GLIS3: variants seen among roughly 807,000 people sequenced by gnomAD.
The protein encoded by GLIS3 is GLIS family zinc finger 3, also known as zinc finger protein GLIS3.
GLIS3 carries 53 observed loss-of-function variants against 78.6 expected under a neutral mutation model. That is an observed-to-expected ratio of 0.67 (90% CI 0.54 to 0.85). The LOEUF is 0.85. Ranked by LOEUF, GLIS3 falls within the 40% of genes least tolerant of loss-of-function variation. The probability of loss-of-function intolerance (pLI) is 0.00; values close to 1 mark genes in which losing one functional copy is unlikely to be tolerated. For missense variants in GLIS3, 1,703 were observed against 1,231.1 expected (o/e 1.38, Z -5.74); for synonymous variants, 684 against 509.9 (o/e 1.34, Z -4.60).
the GLIS3 span, among the ~76,000 whole-genome samples, chr9:4,395,617 T>G: frequency 1.3e-5 from 2 of 152,168 alleles, no homozygotes; most frequent in Non-Finnish European, 2.9e-5. Context: ...AAACCCCTAG[T>G]TGAGGCAACC....
chr9:4,048,616 T>TGTGC (rs1825452646), intron 4 of GLIS3, among the ~76,000 whole-genome samples: 1 of 152,190 alleles, frequency 6.6e-6, no homozygotes, highest in African/African-American at 2.4e-5. Context: ...GAAGCATCTC[T>TGTGC]TCAAAGAGAG....
chr9:4,313,497 C>T (rs956068755), intron 2 of GLIS3, among the ~76,000 whole-genome samples: 12 of 152,122 alleles, frequency 7.9e-5, no homozygotes, highest in Admixed American at 4.6e-4. Context: ...CTCTAACCTC[C>T]GCGTGGCTCC....
intron 2 of GLIS3, among the ~76,000 whole-genome samples, chr9:4,276,521 GGGAAGGGAAGAGA>G: frequency 3.4e-5 from 2 of 59,534 alleles, no homozygotes; most frequent in East Asian, 7.0e-4. Flanking sequence ...GGGAAGGGAA[GGGAAGGGAAGAGA>G]AGGGGACGGA....
chr9:3,889,787 A>T (rs1445335), intron 7 of GLIS3, among the ~76,000 whole-genome samples: 1,771 of 152,284 alleles, frequency 0.012, 34 homozygotes, highest in African/African-American at 0.039. Context: ...CTTTTAAAAA[A>T]TTTTTTACAT....
intron 4 of GLIS3, among the ~76,000 whole-genome samples, chr9:3,966,729 T>C (rs554141352): frequency 2.7e-5 from 4 of 150,886 alleles, no homozygotes; most frequent in East Asian, 2.0e-4. Flanking sequence ...CGGGAGGTGG[T>C]GTGAGCTGAG....
intron 4 of GLIS3, among the ~76,000 whole-genome samples, chr9:4,065,188 G>A (rs1397508793): frequency 6.6e-6 from 1 of 151,998 alleles, no homozygotes; most frequent in Non-Finnish European, 1.5e-5. Flanking sequence ...CCTTCCTAGG[G>A]GCAAAAACAC....
intron 2 of GLIS3, among the ~76,000 whole-genome samples, chr9:4,196,470 G>A (rs1490010744): frequency 2.0e-5 from 3 of 152,132 alleles, no homozygotes; most frequent in South Asian, 4.1e-4. Context: ...CACTATTTGG[G>A]TCCGCACTGC....
At chr9:4,393,906 TC>T in the GLIS3 span, among the ~76,000 whole-genome samples, 15 of 152,164 alleles carry the variant, frequency 9.9e-5, no homozygotes, top group Non-Finnish European at 1.5e-4. Flanking sequence ...AATATAATGA[TC>T]CTTTCTATGA....
intron 4 of GLIS3, among the ~76,000 whole-genome samples, chr9:3,999,395 C>G (rs1342976716): frequency 1.3e-5 from 2 of 152,210 alleles, no homozygotes; most frequent in East Asian, 3.9e-4. Flanking sequence ...AGTCTGAATG[C>G]TTGTTTTTCC....
At chr9:4,198,414 T>C (rs1047018268) in intron 2 of GLIS3, among the ~76,000 whole-genome samples, 10 of 151,766 alleles carry the variant, frequency 6.6e-5, no homozygotes, top group African/African-American at 1.9e-4. Flanking sequence ...CAAAATACAA[T>C]TGAAAATTTC....
At chr9:3,850,070 C>G (rs1439721136) in intron 9 of GLIS3, among the ~76,000 whole-genome samples, 1 of 152,108 alleles carries the variant, frequency 6.6e-6, no homozygotes, top group African/African-American at 2.4e-5. Context: ...TGGGTCAGAC[C>G]ACTGAAAATC....
At chr9:4,416,939 C>T in the GLIS3 span, among the ~76,000 whole-genome samples, 2 of 151,744 alleles carry the variant, frequency 1.3e-5, no homozygotes, top group East Asian at 3.9e-4. Flanking sequence ...CTTCCTCAGC[C>T]TAGTGATTTC....
intron 2 of GLIS3, among the ~76,000 whole-genome samples, chr9:4,274,788 C>T (rs969141414): frequency 1.3e-5 from 2 of 152,172 alleles, no homozygotes; most frequent in South Asian, 4.1e-4. Flanking sequence ...ACATGAATCA[C>T]CTGGGAATAT....
chr9:3,941,656 A>G (rs1815928685), intron 4 of GLIS3, among the ~76,000 whole-genome samples: 1 of 152,186 alleles, frequency 6.6e-6, no homozygotes. Context: ...TTGCGGACAC[A>G]TATGGGAAAA....
the GLIS3 span, among the ~76,000 whole-genome samples, chr9:4,451,217 G>C: frequency 6.6e-6 from 1 of 152,142 alleles, no homozygotes; most frequent in Non-Finnish European, 1.5e-5. Context: ...TGATAAAACA[G>C]ACTGCAAACC....
the GLIS3 span, among the ~76,000 whole-genome samples, chr9:4,454,483 G>A: frequency 1.3e-5 from 2 of 152,212 alleles, no homozygotes; most frequent in African/African-American, 2.4e-5. Flanking sequence ...ATGGAGAGCT[G>A]AAGTTCAAAT....
At chr9:4,378,131 T>C in the GLIS3 span, among the ~76,000 whole-genome samples, 1 of 152,148 alleles carries the variant, frequency 6.6e-6, no homozygotes, top group Non-Finnish European at 1.5e-5. Context: ...ATGCTAATTA[T>C]TACCACTTAT....
chr9:4,452,550 G>A, the GLIS3 span, among the ~76,000 whole-genome samples: 1 of 152,134 alleles, frequency 6.6e-6, no homozygotes, highest in African/African-American at 2.4e-5. Flanking sequence ...GCCAAATCAT[G>A]AGTTACCTTC....
At chr9:4,020,306 G>T (rs1822779058) in intron 4 of GLIS3, among the ~76,000 whole-genome samples, 1 of 151,914 alleles carries the variant, frequency 6.6e-6, no homozygotes, top group Non-Finnish European at 1.5e-5. Flanking sequence ...TGTTTTTTTT[G>T]TTTTGTTTTG....
Sources: allele counts gnomAD v4.1 joint callset (sites outside exome capture counted in the v4.1 genomes callset), GRCh38; gene constraint gnomAD v4.1.1; transcripts MANE v1.5; gene names NCBI Gene and HGNC (gene_info 2026-07-23, HGNC 2026-07-21).